Variants in EMC8 observed in about 807,000 individuals in gnomAD.
The protein encoded by EMC8 is ER membrane protein complex subunit 8.
In EMC8, 11 loss-of-function variants were observed where a neutral mutation model predicts 24.3. The ratio of observed to expected loss-of-function variants is 0.45; its 90% CI spans 0.28 to 0.75. The LOEUF (loss-of-function observed/expected upper bound fraction) is 0.75, where lower values mean the gene tolerates loss of function less well. Ranked by LOEUF, EMC8 falls within the 30% of genes least tolerant of loss-of-function variation. The pLI is 0.12. For synonymous variants in EMC8, 145 were observed against 117.7 expected (o/e 1.23, Z -1.50); for missense variants, 277 against 282.7 (o/e 0.98, Z 0.14).
intron 2 of EMC8, 61 bp downstream of exon 2, chr16:85,788,913 G>C: frequency 6.7e-6 from 8 of 1,198,302 alleles, no homozygotes; most frequent in South Asian, 2.4e-5. Context: ...GCACACGAGA[G>C]ACGGGGTCTG....
At chr16:85,780,545 G>C in intron 3 of EMC8, 72 bp from the exon 4 acceptor site, 1 of 1,104,892 alleles carries the variant, frequency 9.1e-7, no homozygotes. Context: ...GCCTCCTCGG[G>C]GCTCTCCCTG....
chr16:85,780,238 G>A, intron 4 of EMC8, 141 bp downstream of exon 4: 1 of 670,608 alleles, frequency 1.5e-6, no homozygotes. Context: ...GAACACTGGG[G>A]CCTACAGGAG....
chr16:85,797,936 T>C (rs939386434), intron 1 of EMC8, among the ~76,000 whole-genome samples: 11 of 152,158 alleles, frequency 7.2e-5, no homozygotes, highest in Non-Finnish European at 1.5e-4. Flanking sequence ...ATGGTCTTTT[T>C]CCCTTCATTG....
At chr16:85,788,218 T>C (rs1904841935) in intron 2 of EMC8, among the ~76,000 whole-genome samples, 2 of 152,262 alleles carry the variant, frequency 1.3e-5, no homozygotes, top group African/African-American at 4.8e-5. Context: ...GGAGGCCACG[T>C]CAGGCTGGCT....
chr16:85,798,181 G>C (rs1453083696), intron 1 of EMC8, among the ~76,000 whole-genome samples: 1 of 147,508 alleles, frequency 6.8e-6, no homozygotes, highest in African/African-American at 2.5e-5. Flanking sequence ...GAGTGCAGTG[G>C]CGTGATCTCG....
rs1038424396 is a variant in EMC8, at chr16:85,799,167, G to A, written c.129C>T (p.Pro43=). Residue 43 remains proline, a synonymous_variant, in exon 1 of 5, where the codon CCC becomes CCT. Transcript: ENST00000253457. This position sits in a 1 kb window ranked among gnomAD's most constrained non-coding sequence, Gnocchi z 4.2. ...EKQKPRKEHL[P]LGGPGAHHTL... is the part of the protein sequence containing the mutation. ...TGTGGTGGGCGCCGGGGCCGCCCAG[G>A]GGGAGGTGCTCCTTACGCGGCTTCT... 3.1e-6 allele frequency: 5 copies of A among 1,610,906 alleles called. No homozygotes were observed. The highest frequency in any genetic ancestry group is 1.1e-5 in the South Asian group (1 of 90,634).
Position 85,799,534 on chromosome 16 carries a change from C to CGCCGGAAAGCAGCCTCTCCAACGCCT in EMC8, c.-240_-239insAGGCGTTGGAGAGGCTGCTTTCCGGC, listed in dbSNP as rs1160063076. The stretch of plus-strand genomic sequence containing the variant: ...TCCAGTCGCGCTTCTCGCCCGGCGC[C>CGCCGGAAAGCAGCCTCTCCAACGCCT]GCCGGAAAGCAGCCTCTCCAACGCC... On this transcript the variant is annotated 5_prime_UTR_variant, in exon 1 of 5. Transcript: ENST00000253457. The surrounding 1 kb of genome is among the most constrained non-coding windows in gnomAD (Gnocchi z 4.2). The CGCCGGAAAGCAGCCTCTCCAACGCCT allele has an allele frequency of 5.3e-6, 2 of 376,092 alleles. No homozygotes were observed. The highest frequency in any genetic ancestry group is 4.6e-5 in the Admixed American group (1 of 21,536). The allele number at this position is 376,092 out of a possible 1,614,324, so 23.3% of individuals were successfully genotyped here.
chr16:85,781,973 T>G (rs1205709562), intron 2 of EMC8: 1 of 152,446 alleles, frequency 6.6e-6, no homozygotes, highest in Non-Finnish European at 1.5e-5. Context: ...GAAACGCTGT[T>G]GGGTAATGGG....
Position 85,799,286 on chromosome 16 carries a change from C to G in EMC8, c.10G>C (p.Val4Leu). MPG[V>L]KLTTQAYCKM... The stretch of plus-strand genomic sequence containing the variant: ...CAGTAGGCCTGGGTGGTCAGTTTCA[C>G]CCCGGGCATGCTGACCCGGGAGGGC... Residue 4 changes from valine to leucine, a missense_variant, in exon 1 of 5, where the codon GTG (valine) becomes CTG (leucine). By Grantham distance (32) the Val-to-Leu change is conservative (BLOSUM62 1). Coordinates refer to ENST00000253457, the MANE Select transcript of EMC8 (RefSeq NM_006067.5). The surrounding 1 kb of genome is among the most constrained non-coding windows in gnomAD (Gnocchi z 4.2). 6.2e-7 allele frequency: 1 copy of G among 1,603,640 alleles called. No individual in the cohort carries two copies. Among genetic ancestry groups the G allele is most frequent in the Non-Finnish European group, 8.5e-7 (1 of 1,177,094 alleles).
chr16:85,785,978 T>C lies in EMC8; in HGVS notation c.308+2996A>G, dbSNP rs74032012. Reference sequence around the variant, plus strand: ...CACTGGCCAACAATGAATCATATAATAAAACTTGATGGAATGACCTAAAGT... The same window carrying C: ...CACTGGCCAACAATGAATCATATAACAAAACTTGATGGAATGACCTAAAGT... On this transcript the variant is annotated intron_variant, in intron 2 of 4. Coordinates refer to ENST00000253457, the MANE Select transcript of EMC8 (RefSeq NM_006067.5). 6.5e-3 allele frequency among the ~76,000 whole-genome samples: 987 copies of C among 152,274 alleles called. 10 individuals carry two copies. The highest frequency in any genetic ancestry group is 0.022 in the African/African-American group (919 of 41,564).
chr16:85,782,290 G>A lies in EMC8; in HGVS notation c.309-1010C>T, dbSNP rs140908382. Among the ~76,000 whole-genome samples, 64 of 152,242 alleles carry A rather than the reference G, an allele frequency of 4.2e-4. No homozygotes were observed. The East Asian group carries it at 0.011, about 26-fold the overall frequency. ...CTCAGCCTTTCCACATCTTCTCCAC[G>A]CTCATGAGCCTCCACTGCTGGCTCT... On this transcript the variant is annotated intron_variant, in intron 2 of 4. Coordinates refer to ENST00000253457, the MANE Select transcript of EMC8 (RefSeq NM_006067.5).
intron 1 of EMC8, among the ~76,000 whole-genome samples, chr16:85,796,398 T>C (rs1905245230): frequency 6.6e-6 from 1 of 152,184 alleles, no homozygotes; most frequent in Non-Finnish European, 1.5e-5. Flanking sequence ...TCCGTACCCA[T>C]GCTGCACTCA....
Position 85,779,567 on chromosome 16 carries a change from T to G in EMC8, c.*141A>C, listed in dbSNP as rs1406189249. On this transcript the variant is annotated 3_prime_UTR_variant, in exon 5 of 5. Coordinates refer to ENST00000253457, the MANE Select transcript of EMC8 (RefSeq NM_006067.5). ...TAAAAACACGACCGACTGAACATTC[T>G]GCCCCCTTTCAAGGCACATGCCACT... is the stretch of plus-strand genomic sequence containing the variant. The G allele has an allele frequency of 1.3e-6, 1 of 796,900 alleles. No homozygotes were observed. The highest frequency in any genetic ancestry group is 2.6e-5 in the East Asian group (1 of 38,930). 49.4% of individuals were successfully genotyped at this position (796,900 alleles called of 1,614,324 possible). A position where few individuals can be genotyped will look rare whatever the true frequency, so the allele number is the denominator to read the frequency against.
Position 85,799,483 on chromosome 16 carries a change from G to A in EMC8, c.-188C>T. 1 of 401,094 alleles carries A rather than the reference G, an allele frequency of 2.5e-6. No individual in the cohort carries two copies. Among genetic ancestry groups the A allele is most frequent in the Non-Finnish European group, 4.4e-6 (1 of 229,032 alleles). 24.8% of individuals were successfully genotyped at this position (401,094 alleles called of 1,614,324 possible). On this transcript the variant is annotated 5_prime_UTR_variant, in exon 1 of 5. Transcript: ENST00000253457. This position sits in a 1 kb window ranked among gnomAD's most constrained non-coding sequence, Gnocchi z 4.2. The stretch of plus-strand genomic sequence containing the variant: ...CTCGGCTCCTGGAAAAGCGACTCGC[G>A]CCTCTGGGAAGCCGCAGCCCCAGAC...
chr16:85,797,594 C>T (rs914747626), intron 1 of EMC8, among the ~76,000 whole-genome samples: 1 of 152,202 alleles, frequency 6.6e-6, no homozygotes, highest in African/African-American at 2.4e-5. Context: ...TTAACAGGCA[C>T]TCAAAGATGT....
At chr16:85,783,419 A>G (rs1904604581) in intron 2 of EMC8, among the ~76,000 whole-genome samples, 1 of 152,208 alleles carries the variant, frequency 6.6e-6, no homozygotes, top group African/African-American at 2.4e-5. Flanking sequence ...TCAGCCTCAC[A>G]AGCAGCTGGG....
chr16:85,787,932 G>A (rs563596001), intron 2 of EMC8, among the ~76,000 whole-genome samples: 13 of 152,312 alleles, frequency 8.5e-5, no homozygotes, highest in Admixed American at 3.3e-4. Flanking sequence ...CCAGCTTACT[G>A]TATTATTTCC....
At chr16:85,798,114 GTTTTTTTT>G (rs1163747067) in intron 1 of EMC8, among the ~76,000 whole-genome samples, 3 of 72,178 alleles carry the variant, frequency 4.2e-5, no homozygotes, top group African/African-American at 1.8e-4. Flanking sequence ...ACAGAAATTC[GTTTTTTTT>G]TTTTTTTTTT....
chr16:85,784,146 C>T (rs60850013), intron 2 of EMC8, among the ~76,000 whole-genome samples: 3,146 of 152,188 alleles, frequency 0.021, 86 homozygotes, highest in African/African-American at 0.071. Flanking sequence ...CTACAGGCGC[C>T]CGCCACCACG....
Sources: allele counts gnomAD v4.1 joint callset (sites outside exome capture counted in the v4.1 genomes callset), GRCh38; gene constraint gnomAD v4.1.1; non-coding constraint Gnocchi (gnomAD v3.1); transcripts MANE v1.5; gene names NCBI Gene and HGNC (gene_info 2026-07-23, HGNC 2026-07-21).